GLIS2: variants seen among roughly 807,000 people sequenced by gnomAD.
The protein encoded by GLIS2 is zinc finger protein GLIS2.
A neutral mutation model predicts 35.6 loss-of-function variants in GLIS2; 14 were observed. The observed-to-expected ratio is 0.39, with a 90% CI of 0.26 to 0.61. The LOEUF (loss-of-function observed/expected upper bound fraction) is 0.61, where lower values mean the gene tolerates loss of function less well. Among genes scored for constraint, GLIS2 ranks in the 20% least tolerant of loss-of-function variants. The probability of loss-of-function intolerance (pLI) is 0.48; values close to 1 mark genes in which losing one functional copy is unlikely to be tolerated. For synonymous variants in GLIS2, 368 were observed against 325.1 expected (o/e 1.13, Z -1.42); for missense variants, 675 against 713.4 (o/e 0.95, Z 0.61).
At chr16:4,334,323 T>C (rs1596241191) in intron 3 of GLIS2, among the ~76,000 whole-genome samples, 1 of 147,286 alleles carries the variant, frequency 6.8e-6, no homozygotes, top group East Asian at 2.1e-4. Context: ...CTGCAACCTC[T>C]GCCTCCCAGG....
chr16:4,330,019 G>A (rs1020289539), intron 1 of GLIS2, among the ~76,000 whole-genome samples: 26 of 152,214 alleles, frequency 1.7e-4, no homozygotes, highest in East Asian at 7.7e-4. Flanking sequence ...GCTCACACCT[G>A]TAATCACAGC....
rs555198215 is a variant in GLIS2 at position 4,336,814 on chromosome 16, G to C, written c.865G>C (p.Val289Leu). The change falls in exon 7 of 7, where the codon GTG becomes CTG. Residue 289 changes from valine (V) to leucine (L), a missense_variant. Val to Leu is a conservative substitution (Grantham distance 32). Around this residue, in one of 3 missense-constraint regions of GLIS2, gnomAD observed 133 missense variants for 191.4 expected, o/e 0.69. Transcript: ENST00000433375. ...DRFKHTRTHY[V>L]DKPYYCKMPG... ...CTTTAAGCACACGCGCACCCACTAT[G>C]TGGACAAGCCCTACTACTGCAAGAT... is the stretch of plus-strand genomic sequence containing the variant. 6.2e-7 allele frequency: 1 copy of C among 1,612,168 alleles called. No homozygotes were observed. Among genetic ancestry groups the C allele is most frequent in the South Asian group, 1.1e-5 (1 of 91,020 alleles).
At chr16:4,314,951 A>C (rs888933174), upstream of GLIS2, 2 of 152,260 alleles carry the variant, frequency 1.3e-5, no homozygotes, top group Non-Finnish European at 2.9e-5. Flanking sequence ...AGCCCAAACA[A>C]AACACACTCA....
chr16:4,316,764 G>A (rs910532587), intron 1 of GLIS2, among the ~76,000 whole-genome samples: 1 of 152,138 alleles, frequency 6.6e-6, no homozygotes, highest in Non-Finnish European at 1.5e-5. Flanking sequence ...TCCTTCCTTG[G>A]ACCTCGGGAA....
rs768486356 is a variant in GLIS2 at position 4,332,260 on chromosome 16, T to TC, written c.-19dup. ...TGGGAGCCCACTGCCTGCTGCCACC[T>TC]CCAACTCCGGCCCCCTCACCATGCA... is the stretch of plus-strand genomic sequence containing the variant. On this transcript the variant is annotated 5_prime_UTR_variant, in exon 2 of 7. Transcript: ENST00000433375. The surrounding 1 kb of genome is among the most constrained non-coding windows in gnomAD (Gnocchi z 5.4). 1.4e-5 allele frequency: 22 copies of TC among 1,609,580 alleles called. No homozygotes were observed. The East Asian group carries it at 4.9e-4, about 36-fold the overall frequency.
chr16:4,327,671 C>G (rs2053448295), intron 1 of GLIS2, among the ~76,000 whole-genome samples: 1 of 151,620 alleles, frequency 6.6e-6, no homozygotes, highest in African/African-American at 2.4e-5. Context: ...GCGGGGGGCC[C>G]GCCCAGCCCA....
At chr16:4,331,536 T>C (rs1216354084) in intron 1 of GLIS2, 3 of 153,168 alleles carry the variant, frequency 2.0e-5, no homozygotes, top group Admixed American at 6.5e-5. Context: ...TTTCTGCGTA[T>C]GTGTCTTTAA....
chr16:4,321,446 T>C (rs2053378726), intron 1 of GLIS2, among the ~76,000 whole-genome samples: 1 of 152,200 alleles, frequency 6.6e-6, no homozygotes, highest in Admixed American at 6.5e-5. Flanking sequence ...AGTGAATGAA[T>C]ACATGAATGA....
At chr16:4,331,134 A>G (rs905034955) in intron 1 of GLIS2, among the ~76,000 whole-genome samples, 24 of 148,334 alleles carry the variant, frequency 1.6e-4, no homozygotes, top group African/African-American at 5.7e-4. Context: ...CCGCCACCAC[A>G]CCTGGCTAAT....
intron 1 of GLIS2, among the ~76,000 whole-genome samples, chr16:4,319,608 C>T (rs568070559): frequency 2.6e-5 from 4 of 152,312 alleles, no homozygotes; most frequent in Admixed American, 2.0e-4. Context: ...CTGAGGTGGC[C>T]GCCTCCGCCC....
At chr16:4,321,109 C>T (rs61419878) in intron 1 of GLIS2, among the ~76,000 whole-genome samples, 3,633 of 152,286 alleles carry the variant, frequency 0.024, 153 homozygotes, top group African/African-American at 0.083. Flanking sequence ...CCTGTGTGTG[C>T]GGTGCCCTGC....
chr16:4,325,751 G>T (rs2053423232), intron 1 of GLIS2, among the ~76,000 whole-genome samples: 2 of 128,798 alleles, frequency 1.6e-5, no homozygotes, highest in South Asian at 4.5e-4. Flanking sequence ...GACACAGGGA[G>T]ACCCCCCCAT....
chr16:4,321,379 C>A (rs1189708664), intron 1 of GLIS2, among the ~76,000 whole-genome samples: 1 of 152,226 alleles, frequency 6.6e-6, no homozygotes, highest in Non-Finnish European at 1.5e-5. Flanking sequence ...GGGCACGAAC[C>A]CCTCCATACC....
At chr16:4,336,495 G>A (rs1668447255) in intron 6 of GLIS2, 2 of 638,838 alleles carry the variant, frequency 3.1e-6, no homozygotes, top group Non-Finnish European at 5.7e-6. Flanking sequence ...GTAGCAGAGG[G>A]TGCAGGGCGA....
At chr16:4,326,568 A>C (rs1596235653) in intron 1 of GLIS2, 1 of 152,214 alleles carries the variant, frequency 6.6e-6, no homozygotes, top group Admixed American at 6.5e-5. Context: ...CCACAGGCTT[A>C]GGGCCTGCCA....
In GLIS2 at chr16:4,335,805, G is replaced by A. The variant is rs2053544656; in HGVS notation, c.775+412G>A. On this transcript the variant is annotated intron_variant, in intron 6 of 6. Transcript: ENST00000433375. The surrounding 1 kb of genome is among the most constrained non-coding windows in gnomAD (Gnocchi z 4.6). ...CAAAAATAAATGGGTGAAATTAATT[G>A]TAATATGGTTCGTTGACCCCGGTAC... 4.1e-6 allele frequency: 1 copy of A among 243,134 alleles called. No homozygotes were observed. Among genetic ancestry groups the A allele is most frequent in the African/African-American group, 2.2e-5 (1 of 45,052 alleles). The allele number at this position is 243,134 out of a possible 1,614,324, so 15.1% of individuals were successfully genotyped here.
intron 6 of GLIS2, chr16:4,336,317 T>G (rs559313425): frequency 2.9e-6 from 1 of 342,958 alleles, no homozygotes; most frequent in Non-Finnish European, 5.6e-6. Context: ...CAGCTAGTTT[T>G]CGTAGTTTTA....
intron 1 of GLIS2, among the ~76,000 whole-genome samples, chr16:4,321,983 A>G (rs1394641502): frequency 6.6e-6 from 1 of 152,208 alleles, no homozygotes; most frequent in East Asian, 1.9e-4. Flanking sequence ...ACCTGGACCC[A>G]CAGCCTGTGT....
chr16:4,333,756 G>A, intron 3 of GLIS2, among the ~76,000 whole-genome samples: 1 of 152,084 alleles, frequency 6.6e-6, no homozygotes, highest in South Asian at 2.1e-4. Flanking sequence ...TCCAGGCTCT[G>A]CCCTGTCTTC....
Sources: allele counts gnomAD v4.1 joint callset (sites outside exome capture counted in the v4.1 genomes callset), GRCh38; gene constraint gnomAD v4.1.1; regional missense constraint gnomAD v4.1.1; non-coding constraint Gnocchi (gnomAD v3.1); transcripts MANE v1.5; gene names NCBI Gene and HGNC (gene_info 2026-07-23, HGNC 2026-07-21).